Variants in ROCK1 observed in about 807,000 individuals in gnomAD.
ROCK1 encodes Rho associated coiled-coil containing protein kinase 1.
A neutral mutation model predicts 196.8 loss-of-function variants in ROCK1; 36 were observed. The ratio of observed to expected loss-of-function variants is 0.18; its 90% CI spans 0.14 to 0.24. ROCK1 has a LOEUF of 0.24. ROCK1 is among the 10% of genes least tolerant of loss of function. ROCK1 has a pLI of 1.00. For missense variants in ROCK1, 920 were observed against 1,562.0 expected, an observed-to-expected ratio of 0.59 and a Z score of 6.93; for synonymous variants, 443 against 515.9, an observed-to-expected ratio of 0.86 and a Z score of 1.91.
chr18:21,078,528 A>T (rs757327982), intron 1 of ROCK1, among the ~76,000 whole-genome samples: 6 of 152,132 alleles, frequency 3.9e-5, no homozygotes, highest in Non-Finnish European at 1.5e-5. Flanking sequence ...CTGTAATGGC[A>T]GTCTGAGTGG....
chr18:21,019,701 G>A (rs1598530820), intron 12 of ROCK1, among the ~76,000 whole-genome samples: 1 of 151,942 alleles, frequency 6.6e-6, no homozygotes, highest in Admixed American at 6.6e-5. Flanking sequence ...GGGAGGCTGA[G>A]GCAGGAGAAT....
intron 2 of ROCK1, among the ~76,000 whole-genome samples, chr18:21,061,292 C>A (rs2036288460): frequency 6.6e-6 from 1 of 152,058 alleles, no homozygotes; most frequent in African/African-American, 2.4e-5. Context: ...GTTGGCCAGG[C>A]TGGTCTTGAA....
intron 2 of ROCK1, among the ~76,000 whole-genome samples, chr18:21,061,633 T>G (rs2036292028): frequency 6.6e-6 from 1 of 152,194 alleles, no homozygotes; most frequent in Non-Finnish European, 1.5e-5. Flanking sequence ...TTCTGGGGGA[T>G]CTCAGGATGG....
rs1349164487 is a variant in ROCK1, at chr18:21,019,547, A to C, written c.1361+604T>G. Among the ~76,000 whole-genome samples, 13 of 152,190 alleles carry C rather than the reference A, an allele frequency of 8.5e-5. No individual in the cohort carries two copies. In the East Asian group the frequency reaches 2.5e-3, roughly 30 times the overall value. On this transcript the variant is annotated intron_variant, in intron 12 of 32. Coordinates refer to ENST00000399799, the MANE Select transcript of ROCK1 (RefSeq NM_005406.3). ...GGTGGCTCACACCTGTAATCCCAGC[A>C]CTTTTGGAGGCCGAGGCGGGCAGAT...
At chr18:20,964,519 T>C (rs1222331913) in intron 27 of ROCK1, among the ~76,000 whole-genome samples, 1 of 152,172 alleles carries the variant, frequency 6.6e-6, no homozygotes, top group Non-Finnish European at 1.5e-5. Context: ...CATTAATTTC[T>C]ACTTCCAATA....
At chr18:21,096,715 C>A (rs2036616058) in intron 1 of ROCK1, among the ~76,000 whole-genome samples, 1 of 151,912 alleles carries the variant, frequency 6.6e-6, no homozygotes, top group South Asian at 2.1e-4. Context: ...TAGCCCTATA[C>A]CAGATAGGTA....
chr18:21,027,493 T>A (rs578254432), intron 10 of ROCK1, among the ~76,000 whole-genome samples: 8 of 152,224 alleles, frequency 5.3e-5, no homozygotes, highest in Non-Finnish European at 1.2e-4. Flanking sequence ...CATGAACTCA[T>A]ACTAATGGTA....
chr18:20,968,877 T>C lies in ROCK1; in HGVS notation c.2915-17A>G. 1 of 1,436,764 alleles carries C rather than the reference T, an allele frequency of 7.0e-7. No individual in the cohort carries two copies. Among genetic ancestry groups the C allele is most frequent in the Non-Finnish European group, 9.8e-7 (1 of 1,020,166 alleles). The allele number at this position is 1,436,764 out of a possible 1,614,324, so 89.0% of individuals were successfully genotyped here. A position where few individuals can be genotyped will look rare whatever the true frequency, so the allele number is the denominator to read the frequency against. ...GTTTATATTCTGTCAACAAATTATA[T>C]TAAATGTTATTGTATGGTATTAATT... On this transcript the variant is annotated splice_polypyrimidine_tract_variant and intron_variant, in intron 24 of 32. Coordinates refer to ENST00000399799, the MANE Select transcript of ROCK1 (RefSeq NM_005406.3).
At chr18:21,094,204 G>A (rs1022120696) in intron 1 of ROCK1, among the ~76,000 whole-genome samples, 1 of 152,194 alleles carries the variant, frequency 6.6e-6, no homozygotes, top group Non-Finnish European at 1.5e-5. Context: ...CACAGAGAAT[G>A]AGCCTTGCTT....
intron 2 of ROCK1, among the ~76,000 whole-genome samples, chr18:21,062,397 T>G (rs905867089): frequency 6.6e-6 from 1 of 152,104 alleles, no homozygotes; most frequent in African/African-American, 2.4e-5. Flanking sequence ...ATTAGGTTGG[T>G]GCAAAAGCAA....
At chr18:21,100,013 G>A (rs1031388223) in intron 1 of ROCK1, among the ~76,000 whole-genome samples, 5 of 152,084 alleles carry the variant, frequency 3.3e-5, no homozygotes, top group African/African-American at 1.2e-4. Context: ...TCCAGTCTGG[G>A]CGACAGAGCA....
rs1056609885 is a variant in ROCK1, at chr18:20,960,272, T to C, written c.3353-66A>G. ...GTAACAAAAGAAAAACTATTAAAAG[T>C]TGTCTGACAGCATGCAGCAACAAGC... On this transcript the variant is annotated intron_variant, in intron 27 of 32. Coordinates refer to ENST00000399799, the MANE Select transcript of ROCK1 (RefSeq NM_005406.3). 20 of 965,394 alleles carry C rather than the reference T, an allele frequency of 2.1e-5. No individual in the cohort carries two copies. The Admixed American group carries it at 3.1e-4, about 15-fold the overall frequency. 59.8% of individuals were successfully genotyped at this position (965,394 alleles called of 1,614,324 possible). A position where few individuals can be genotyped will look rare whatever the true frequency, so the allele number is the denominator to read the frequency against.
At chr18:20,958,906 TA>T (rs2035277038) in intron 29 of ROCK1, among the ~76,000 whole-genome samples, 1 of 106,312 alleles carries the variant, frequency 9.4e-6, no homozygotes, top group Non-Finnish European at 1.8e-5. Flanking sequence ...TTTATATATA[TA>T]TATTTTATAT....
chr18:21,075,705 G>C (rs1235241478), intron 1 of ROCK1, among the ~76,000 whole-genome samples: 1 of 152,124 alleles, frequency 6.6e-6, no homozygotes, highest in Non-Finnish European at 1.5e-5. Flanking sequence ...TGAAATCCCA[G>C]TACTTTGGGA....
At position 21,029,011 on chromosome 18, in the gene ROCK1, A is replaced by G. The variant is rs149821299; in HGVS notation, c.1052-76T>C. Reference sequence around the variant, plus strand: ...AAGTGAAGCACATTCCATACCAACTACTGATGGTTTCTCTCTTATAAAACC... The same window carrying G: ...AAGTGAAGCACATTCCATACCAACTGCTGATGGTTTCTCTCTTATAAAACC... On this transcript the variant is annotated intron_variant, in intron 9 of 32. Coordinates refer to ENST00000399799, the MANE Select transcript of ROCK1 (RefSeq NM_005406.3). The G allele has an allele frequency of 3.2e-5, 44 of 1,371,498 alleles. No individual in the cohort carries two copies. The East Asian group carries it at 1.0e-3, about 31-fold the overall frequency. 85.0% of individuals were successfully genotyped at this position (1,371,498 alleles called of 1,614,324 possible).
At chr18:20,989,307 T>C (rs2035603308) in intron 18 of ROCK1, among the ~76,000 whole-genome samples, 1 of 152,236 alleles carries the variant, frequency 6.6e-6, no homozygotes, top group African/African-American at 2.4e-5. Flanking sequence ...ATCTGTCTGA[T>C]TCCAAAGCCT....
chr18:21,015,788 A>G (rs2035857402), intron 12 of ROCK1, among the ~76,000 whole-genome samples: 1 of 151,798 alleles, frequency 6.6e-6, no homozygotes, highest in East Asian at 1.9e-4. Context: ...CTTGGCCAAC[A>G]TGGTGAAACC....
At chr18:21,013,339 C>A (rs1486834725) in intron 13 of ROCK1, among the ~76,000 whole-genome samples, 1 of 152,142 alleles carries the variant, frequency 6.6e-6, no homozygotes. Flanking sequence ...TCTACTGACA[C>A]CTCAGGTAGG....
intron 1 of ROCK1, among the ~76,000 whole-genome samples, chr18:21,076,442 T>A (rs1173746752): frequency 6.6e-6 from 1 of 152,176 alleles, no homozygotes; most frequent in Non-Finnish European, 1.5e-5. Context: ...AGGTGGAGAT[T>A]GCAGTGAGCC....
Sources: gnomAD v4.1 joint callset for allele counts (sites outside exome capture counted in the v4.1 genomes callset) on GRCh38, gnomAD v4.1.1 for gene constraint, MANE v1.5 for transcripts, NCBI Gene and HGNC (gene_info 2026-07-23, HGNC 2026-07-21) for gene names.